NOS1: variants seen among roughly 807,000 people sequenced by gnomAD.
The protein encoded by NOS1 is nitric oxide synthase 1, also known as NOS type I.
NOS1 carries 51 observed loss-of-function variants against 164.5 expected under a neutral mutation model. That is an observed-to-expected ratio of 0.31 (90% CI 0.25 to 0.39). The LOEUF (loss-of-function observed/expected upper bound fraction) is 0.39. NOS1 is among the 10% of genes least tolerant of loss of function. The probability of loss-of-function intolerance (pLI) is 1.00; values close to 1 mark genes in which losing one functional copy is unlikely to be tolerated. For synonymous variants in NOS1, 719 were observed against 745.8 expected, an observed-to-expected ratio of 0.96 and a Z score of 0.59; for missense variants, 1,362 against 1,885.6, an observed-to-expected ratio of 0.72 and a Z score of 5.14.
intron 3 of NOS1, among the ~76,000 whole-genome samples, chr12:117,294,119 C>T (rs1873243487): frequency 6.6e-6 from 1 of 152,216 alleles, no homozygotes; most frequent in South Asian, 2.1e-4. Context: ...CAGCCATTCT[C>T]CCTACATACC....
intron 16 of NOS1, among the ~76,000 whole-genome samples, chr12:117,254,141 C>T (rs897281919): frequency 1.1e-4 from 16 of 152,104 alleles, no homozygotes; most frequent in African/African-American, 3.9e-4. Context: ...GAGTTTCACT[C>T]TTGTCGCCTG....
At chr12:117,350,509 C>G (rs779639322) in intron 1 of NOS1, among the ~76,000 whole-genome samples, 3 of 152,202 alleles carry the variant, frequency 2.0e-5, no homozygotes, top group Non-Finnish European at 4.4e-5. Context: ...CCCATTTTCT[C>G]AAAGTACCTT....
chr12:117,308,599 A>ATT (rs1236088675), intron 3 of NOS1, among the ~76,000 whole-genome samples: 19 of 143,518 alleles, frequency 1.3e-4, no homozygotes, highest in African/African-American at 4.6e-4. Flanking sequence ...AGATTATATA[A>ATT]TTTTTTTTTT....
intron 1 of NOS1, chr12:117,347,992 G>A (rs375827344): frequency 6.0e-5 from 9 of 151,238 alleles, no homozygotes; most frequent in Middle Eastern, 3.5e-3. Context: ...CATTCCAAGG[G>A]AAGATTCAGT....
Position 117,247,606 on chromosome 12 carries a change from C to T in NOS1, c.2649-84G>A, listed in dbSNP as rs577171298. 1.9e-4 allele frequency: 229 copies of T among 1,234,826 alleles called. 3 individuals are homozygous for T. In the South Asian group the frequency reaches 3.5e-3, roughly 19 times the overall value. The allele number at this position is 1,234,826 out of a possible 1,614,324, so 76.5% of individuals were successfully genotyped here. A position where few individuals can be genotyped will look rare whatever the true frequency, so the allele number is the denominator to read the frequency against. ...CTGGTGTAATGGGCTAAACTGTGTCCCCCCAAATTTCATATATTAAAACTC... is the reference window on the plus strand; with the variant it reads ...CTGGTGTAATGGGCTAAACTGTGTCTCCCCAAATTTCATATATTAAAACTC... On this transcript the variant is annotated intron_variant, in intron 17 of 28. Coordinates refer to ENST00000317775, the MANE Select transcript of NOS1 (RefSeq NM_000620.5).
In NOS1 at chr12:117,259,106, T is replaced by A; in HGVS notation, c.2392A>T (p.Ile798Phe). Residue 798 changes from isoleucine to phenylalanine, a missense_variant, in exon 15 of 29, where the codon ATT becomes TTT. Ile to Phe is a conservative substitution (Grantham distance 21). Transcript: ENST00000317775. The part of the protein sequence containing the change: ...AKVMSMEEYD[I>F]VHLEHETLVL... Reference sequence around the variant, plus strand: ...AGAGTTTCATGTTCCAGGTGCACAATGTCATATTCTTCCATGGACATCACC... The same window carrying A: ...AGAGTTTCATGTTCCAGGTGCACAAAGTCATATTCTTCCATGGACATCACC... The A allele has an allele frequency of 6.2e-7, 1 of 1,613,868 alleles. No individual in the cohort carries two copies. Among genetic ancestry groups the A allele is most frequent in the South Asian group, 1.1e-5 (1 of 91,034 alleles).
At chr12:117,231,618 A>C (rs1258332135) in intron 22 of NOS1, among the ~76,000 whole-genome samples, 1 of 152,218 alleles carries the variant, frequency 6.6e-6, no homozygotes, top group African/African-American at 2.4e-5. Context: ...TTATCTTTAA[A>C]CCAAGGCATG....
chr12:117,359,441 T>C (rs1325862185), intron 1 of NOS1, among the ~76,000 whole-genome samples: 1 of 152,242 alleles, frequency 6.6e-6, no homozygotes, highest in East Asian at 1.9e-4. Flanking sequence ...TTCTTGCGTT[T>C]GCCCCGACCC....
At chr12:117,337,358 C>T (rs1326530047) in intron 1 of NOS1, among the ~76,000 whole-genome samples, 2 of 152,128 alleles carry the variant, frequency 1.3e-5, no homozygotes, top group East Asian at 1.9e-4. Context: ...CCTTGTGATC[C>T]GCCTGCCTTG....
At chr12:117,247,304 G>A in intron 18 of NOS1, 44 bp downstream of exon 18, 1 of 1,494,478 alleles carries the variant, frequency 6.7e-7, no homozygotes, top group Non-Finnish European at 9.1e-7. Flanking sequence ...TTGGGGGTGT[G>A]GGGAGCATTA....
At chr12:117,352,293 A>T (rs999627937) in intron 1 of NOS1, among the ~76,000 whole-genome samples, 1 of 152,198 alleles carries the variant, frequency 6.6e-6, no homozygotes, top group African/African-American at 2.4e-5. Context: ...CCTGGGGGAA[A>T]GCTTGCTATC....
In NOS1 at chr12:117,211,248, G is replaced by A. The variant is rs570333845; in HGVS notation, c.*4061C>T. 70 of 985,222 alleles carry A rather than the reference G, an allele frequency of 7.1e-5. No homozygotes were observed. In the East Asian group the frequency reaches 2.5e-3, roughly 35 times the overall value. The allele number at this position is 985,222 out of a possible 1,614,324, so 61.0% of individuals were successfully genotyped here. On this transcript the variant is annotated 3_prime_UTR_variant, in exon 29 of 29. Transcript: ENST00000317775. ...GCTGGGATTACAGACATGAGCTACC[G>A]CGCCCAGCCTGCAAGATGCTTTAAT...
chr12:117,223,072 T>C (rs1868363235), intron 25 of NOS1, among the ~76,000 whole-genome samples: 1 of 152,088 alleles, frequency 6.6e-6, no homozygotes, highest in African/African-American at 2.4e-5. Flanking sequence ...CACATACATA[T>C]GCACGCACTG....
At chr12:117,271,413 G>A (rs1162461950) in intron 10 of NOS1, among the ~76,000 whole-genome samples, 6 of 152,234 alleles carry the variant, frequency 3.9e-5, no homozygotes, top group Middle Eastern at 6.8e-3. Flanking sequence ...GAGTAGCTGG[G>A]ATTATAGGCG....
At chr12:117,273,521 T>C (rs1294674880) in intron 9 of NOS1, among the ~76,000 whole-genome samples, 1 of 152,168 alleles carries the variant, frequency 6.6e-6, no homozygotes, top group Non-Finnish European at 1.5e-5. Flanking sequence ...GTTTTGCAAT[T>C]ACTTTTGCAC....
chr12:117,278,132 A>C (rs1344596644), intron 8 of NOS1, 34 bp from the exon 9 acceptor site: 1 of 1,584,170 alleles, frequency 6.3e-7, no homozygotes, highest in African/African-American at 1.3e-5. Flanking sequence ...ATGCCACTGT[A>C]CCCCACACCC....
chr12:117,283,978 C>A (rs765245699), intron 7 of NOS1, among the ~76,000 whole-genome samples: 19 of 151,662 alleles, frequency 1.3e-4, no homozygotes, highest in Non-Finnish European at 2.2e-4. Flanking sequence ...GGGGTGAGGT[C>A]TCTTGGAAAA....
rs1322285407 is a variant in NOS1 at position 117,212,882 on chromosome 12, T to A, written c.*2427A>T. 1.0e-6 allele frequency: 1 copy of A among 985,202 alleles called. No homozygotes were observed. The highest frequency in any genetic ancestry group is 1.7e-5 in the African/African-American group (1 of 57,196). The allele number at this position is 985,202 out of a possible 1,614,324, so 61.0% of individuals were successfully genotyped here. On this transcript the variant is annotated 3_prime_UTR_variant, in exon 29 of 29. Coordinates refer to ENST00000317775, the MANE Select transcript of NOS1 (RefSeq NM_000620.5). ...TTTTGGTATCAGGAATTCTGGCAAA[T>A]GAAAGAAACACATCAGATCGCTCTC...
chr12:117,258,330 G>T (rs1871625871), intron 16 of NOS1, 67 bp downstream of exon 16: 3 of 1,509,210 alleles, frequency 2.0e-6, no homozygotes, highest in Admixed American at 1.7e-5. Context: ...TGAACCCCAG[G>T]TGCCAAAAGT....
Sources: gnomAD v4.1 joint callset for allele counts (sites outside exome capture counted in the v4.1 genomes callset) on GRCh38, gnomAD v4.1.1 for gene constraint, MANE v1.5 for transcripts, NCBI Gene and HGNC (gene_info 2026-07-23, HGNC 2026-07-21) for gene names.